The following PGCKA1 variants were observed in gnomAD, a reference collection of about 807,000 sequenced individuals.
PGCKA1 encodes the protein PDCD10 and GCKIII kinases-associated protein 1.
the PGCKA1 span, among the ~76,000 whole-genome samples, chr4:37,543,122 C>T: frequency 4.6e-5 from 7 of 152,256 alleles, no homozygotes; most frequent in African/African-American, 9.6e-5. Flanking sequence ...TTTTCTCAAA[C>T]GAAATCGCTC....
At chr4:37,593,118 A>G in the PGCKA1 span, among the ~76,000 whole-genome samples, 1 of 152,234 alleles carries the variant, frequency 6.6e-6, no homozygotes, top group African/African-American at 2.4e-5. Context: ...TGTTAATTGC[A>G]TTAGAGGTAT....
chr4:37,569,979 C>CTTTTTT, the PGCKA1 span, among the ~76,000 whole-genome samples: 9 of 119,274 alleles, frequency 7.5e-5, no homozygotes, highest in South Asian at 2.6e-4. Flanking sequence ...GCATATAATC[C>CTTTTTT]TTTTTTTTTT....
chr4:37,460,569 T>C, the PGCKA1 span: 1 of 453,462 alleles, frequency 2.2e-6, no homozygotes, highest in African/African-American at 2.0e-5. Flanking sequence ...GGTTTTGATT[T>C]GCATTTGTCT....
the PGCKA1 span, among the ~76,000 whole-genome samples, chr4:37,497,370 A>G: frequency 2.0e-5 from 3 of 152,030 alleles, no homozygotes; most frequent in African/African-American, 2.4e-5. Flanking sequence ...CGATTTTGCA[A>G]TTGTGAATTG....
the PGCKA1 span, among the ~76,000 whole-genome samples, chr4:37,481,464 CAAAAAAAAAAAAAA>C: frequency 5.4e-4 from 33 of 61,438 alleles, no homozygotes; most frequent in East Asian, 2.4e-3. Context: ...GACCTGTCTC[CAAAAAAAAAAAAAA>C]AAAAAAAAAA....
the PGCKA1 span, among the ~76,000 whole-genome samples, chr4:37,482,395 G>T: frequency 2.6e-5 from 4 of 152,154 alleles, no homozygotes; most frequent in African/African-American, 4.8e-5. Context: ...CTGGAGTAAA[G>T]GTCACTCTTG....
At chr4:37,480,690 C>T in the PGCKA1 span, among the ~76,000 whole-genome samples, 1 of 152,154 alleles carries the variant, frequency 6.6e-6, no homozygotes, top group African/African-American at 2.4e-5. Context: ...TTGGGGCAGA[C>T]ATCTTTCCAG....
the PGCKA1 span, among the ~76,000 whole-genome samples, chr4:37,567,682 C>T: frequency 1.3e-5 from 2 of 152,270 alleles, no homozygotes; most frequent in South Asian, 2.1e-4. Flanking sequence ...CTCACACACA[C>T]ACACACGACT....
chr4:37,563,454 A>T, the PGCKA1 span, among the ~76,000 whole-genome samples: 2 of 116,390 alleles, frequency 1.7e-5, no homozygotes, highest in African/African-American at 5.7e-5. Context: ...GAGGTTGCTC[A>T]GGAGGGAGTG....
chr4:37,500,456 A>G, the PGCKA1 span, among the ~76,000 whole-genome samples: 4 of 152,156 alleles, frequency 2.6e-5, no homozygotes, highest in Non-Finnish European at 4.4e-5. Flanking sequence ...CTTGATCTCT[A>G]ATTTTATTGT....
chr4:37,494,131 GGTTT>G, the PGCKA1 span, among the ~76,000 whole-genome samples: 4 of 151,954 alleles, frequency 2.6e-5, no homozygotes, highest in Admixed American at 1.3e-4. Context: ...TCTATTTTTA[GGTTT>G]GTTTGTTTAA....
the PGCKA1 span, among the ~76,000 whole-genome samples, chr4:37,548,225 T>G: frequency 6.6e-6 from 1 of 152,122 alleles, no homozygotes; most frequent in East Asian, 1.9e-4. Flanking sequence ...TTAAAAGTAA[T>G]AAGGCCTCCT....
chr4:37,555,749 CT>C, the PGCKA1 span, among the ~76,000 whole-genome samples: 1 of 152,182 alleles, frequency 6.6e-6, no homozygotes, highest in Admixed American at 6.5e-5. Flanking sequence ...ATCTGAGGCA[CT>C]GTAGAGCCCT....
At chr4:37,460,495 A>G in the PGCKA1 span, 1 of 443,560 alleles carries the variant, frequency 2.3e-6, no homozygotes. Flanking sequence ...CCTTGCCAGC[A>G]TCTACTGTTT....
At chr4:37,583,333 G>A in the PGCKA1 span, among the ~76,000 whole-genome samples, 4 of 152,068 alleles carry the variant, frequency 2.6e-5, no homozygotes, top group Non-Finnish European at 5.9e-5. Context: ...CCTGGACTTC[G>A]CCCTTCCCCT....
the PGCKA1 span, among the ~76,000 whole-genome samples, chr4:37,516,968 T>C: frequency 6.6e-6 from 1 of 152,132 alleles, no homozygotes; most frequent in Non-Finnish European, 1.5e-5. Flanking sequence ...TTAAAAATTA[T>C]ACAGTAGGCC....
the PGCKA1 span, among the ~76,000 whole-genome samples, chr4:37,539,633 G>A: frequency 6.6e-6 from 1 of 152,126 alleles, no homozygotes. Flanking sequence ...CAGCCTGGGC[G>A]ACAGAGCAAG....
At chr4:37,509,691 G>C in the PGCKA1 span, among the ~76,000 whole-genome samples, 1 of 151,382 alleles carries the variant, frequency 6.6e-6, no homozygotes, top group Non-Finnish European at 1.5e-5. Flanking sequence ...CTGAGTGAAC[G>C]AGACTCCATC....
At chr4:37,522,552 G>A in the PGCKA1 span, among the ~76,000 whole-genome samples, 2 of 152,020 alleles carry the variant, frequency 1.3e-5, no homozygotes, top group Non-Finnish European at 2.9e-5. Context: ...GACCCCAAGA[G>A]CTTCCTGAGT....
Sources: gnomAD v4.1 joint callset for allele counts (sites outside exome capture counted in the v4.1 genomes callset) on GRCh38, gnomAD v4.1.1 for gene constraint, MANE v1.5 for transcripts, NCBI Gene and HGNC (gene_info 2026-07-23, HGNC 2026-07-21) for gene names.